Variants in EPHA7 observed in about 807,000 individuals in gnomAD.
EPHA7 encodes the protein ephrin type-A receptor 7.
Under a neutral mutation model 112.6 loss-of-function variants are expected in EPHA7, and 25 were observed. The ratio of observed to expected loss-of-function variants is 0.22; its 90% confidence interval spans 0.16 to 0.31. The LOEUF (loss-of-function observed/expected upper bound fraction) is 0.31. Among genes scored for constraint, EPHA7 ranks in the 10% least tolerant of loss-of-function variants. The probability of loss-of-function intolerance (pLI) is 1.00; values close to 1 mark genes in which losing one functional copy is unlikely to be tolerated. For missense variants in EPHA7, 962 were observed against 1,212.6 expected (o/e 0.79, Z 3.07); for synonymous variants, 437 against 406.5 (o/e 1.07, Z -0.90).
chr6:93,251,737 G>C (rs1041822334), intron 14 of EPHA7, among the ~76,000 whole-genome samples: 1 of 151,828 alleles, frequency 6.6e-6, no homozygotes, highest in Admixed American at 6.6e-5. Context: ...AAACCAAAAG[G>C]ATATTTTCAA....
chr6:93,383,590 AATTT>A (rs1777456497), intron 3 of EPHA7, among the ~76,000 whole-genome samples: 1 of 152,158 alleles, frequency 6.6e-6, no homozygotes, highest in Non-Finnish European at 1.5e-5. Flanking sequence ...CTTAGGCAAT[AATTT>A]ATTTGTCATA....
At chr6:93,283,423 A>G (rs374422563) in intron 5 of EPHA7, among the ~76,000 whole-genome samples, 4 of 152,162 alleles carry the variant, frequency 2.6e-5, no homozygotes, top group African/African-American at 9.6e-5. Context: ...GTCCCCTTCC[A>G]CACTGTGGAA....
At chr6:93,272,237 T>G in intron 6 of EPHA7, 61 bp downstream of exon 6, 1 of 1,597,784 alleles carries the variant, frequency 6.3e-7, no homozygotes, top group South Asian at 1.1e-5. Flanking sequence ...TAGTCTACAA[T>G]ACAGTAGGAT....
intron 5 of EPHA7, among the ~76,000 whole-genome samples, chr6:93,284,324 T>TA (rs1370419396): frequency 4.2e-5 from 6 of 144,194 alleles, no homozygotes; most frequent in South Asian, 2.6e-4. Flanking sequence ...TCATTTATTT[T>TA]TTTTTTTCAA....
rs75159291 is a variant in EPHA7 at position 93,299,908 on chromosome 6, G to A, written c.1325-27486C>T. Among the ~76,000 whole-genome samples, 4 of 152,190 alleles carry A rather than the reference G, an allele frequency of 2.6e-5. 1 individual carries two copies. Among genetic ancestry groups the A allele is most frequent in the South Asian group, 4.1e-4 (2 of 4,830 alleles). ...GAATACTACATGTTCTCACTTGTAA[G>A]TGGGAGCTAAAGGATGGGAACTCAT... On this transcript the variant is annotated intron_variant, in intron 5 of 16. Transcript: ENST00000369303.
chr6:93,418,755 G>T (rs1180334177), intron 1 of EPHA7, among the ~76,000 whole-genome samples: 1 of 152,158 alleles, frequency 6.6e-6, no homozygotes, highest in Non-Finnish European at 1.5e-5. Flanking sequence ...TCGAAGTCTC[G>T]GTCCCTCTGG....
At chr6:93,365,758 C>A (rs1776475971) in intron 3 of EPHA7, among the ~76,000 whole-genome samples, 1 of 152,138 alleles carries the variant, frequency 6.6e-6, no homozygotes, top group African/African-American at 2.4e-5. Flanking sequence ...TTAGAAAAGA[C>A]AGCATGCAGA....
intron 3 of EPHA7, among the ~76,000 whole-genome samples, chr6:93,372,281 A>G (rs547132818): frequency 6.6e-6 from 1 of 152,254 alleles, no homozygotes; most frequent in Admixed American, 6.5e-5. Context: ...TGAGCATACT[A>G]CCTATGGCAC....
At chr6:93,287,688 C>T (rs1373377689) in intron 5 of EPHA7, among the ~76,000 whole-genome samples, 2 of 151,974 alleles carry the variant, frequency 1.3e-5, no homozygotes, top group African/African-American at 4.8e-5. Flanking sequence ...CCTCCTTCCA[C>T]CCTCCAACCT....
intron 5 of EPHA7, among the ~76,000 whole-genome samples, chr6:93,279,684 G>C (rs1262538411): frequency 1.3e-5 from 2 of 152,152 alleles, no homozygotes; most frequent in Non-Finnish European, 2.9e-5. Flanking sequence ...TCAAAACACA[G>C]CTGCAAGTTG....
intron 2 of EPHA7, among the ~76,000 whole-genome samples, chr6:93,412,172 G>A (rs939609435): frequency 1.3e-4 from 20 of 151,860 alleles, no homozygotes; most frequent in Non-Finnish European, 1.2e-4. Context: ...TATTTATGAT[G>A]TCTTAATAAT....
chr6:93,325,904 C>G (rs1019885236), intron 5 of EPHA7, among the ~76,000 whole-genome samples: 2 of 151,324 alleles, frequency 1.3e-5, no homozygotes, highest in Non-Finnish European at 3.0e-5. Context: ...AAATAATTAT[C>G]TGTTTGCTCT....
rs530214037 is a variant in EPHA7 at position 93,357,349 on chromosome 6, C to A, written c.989-297G>T. On this transcript the variant is annotated intron_variant, in intron 4 of 16. Transcript: ENST00000369303. Reference sequence around the variant, plus strand: ...TTTGCCACAGTCTTTAACTATTTTTCTTCCAAGCAATTAAAACAGTACAGT... The same window carrying A: ...TTTGCCACAGTCTTTAACTATTTTTATTCCAAGCAATTAAAACAGTACAGT... Among the ~76,000 whole-genome samples the A allele has an allele frequency of 2.6e-5, 4 of 152,204 alleles. No homozygotes were observed. The East Asian group carries it at 7.7e-4, about 29-fold the overall frequency.
At chr6:93,413,991 T>C (rs1455736597) in intron 2 of EPHA7, among the ~76,000 whole-genome samples, 1 of 151,884 alleles carries the variant, frequency 6.6e-6, no homozygotes, top group Admixed American at 6.6e-5. Context: ...CAATTAAAAA[T>C]AAGATCTGAA....
At chr6:93,293,101 C>A (rs1392136851) in intron 5 of EPHA7, among the ~76,000 whole-genome samples, 1 of 151,540 alleles carries the variant, frequency 6.6e-6, no homozygotes, top group East Asian at 1.9e-4. Context: ...AAAATATTGA[C>A]AAAATCATAC....
chr6:93,418,987 C>G (rs1779390127), intron 1 of EPHA7, among the ~76,000 whole-genome samples: 1 of 152,212 alleles, frequency 6.6e-6, no homozygotes, highest in Non-Finnish European at 1.5e-5. Flanking sequence ...CTCACGCCCT[C>G]CAGACTGCCC....
chr6:93,370,483 CAG>C (rs1229094508), intron 3 of EPHA7, among the ~76,000 whole-genome samples: 4 of 152,110 alleles, frequency 2.6e-5, no homozygotes, highest in African/African-American at 9.7e-5. Flanking sequence ...TATTGGAAAA[CAG>C]AAATATCACT....
intron 2 of EPHA7, 83 bp downstream of exon 2, chr6:93,414,620 G>T: frequency 1.0e-6 from 1 of 993,512 alleles, no homozygotes; most frequent in Non-Finnish European, 1.6e-6. Flanking sequence ...TACATGAAGA[G>T]TGTGAATAAT....
chr6:93,261,906 T>C (rs532436717), intron 9 of EPHA7, among the ~76,000 whole-genome samples: 1 of 151,570 alleles, frequency 6.6e-6, no homozygotes, highest in African/African-American at 2.4e-5. Flanking sequence ...ATACAACAAA[T>C]TTTGGATAAG....
Sources: gnomAD v4.1 joint callset for allele counts (sites outside exome capture counted in the v4.1 genomes callset) on GRCh38, gnomAD v4.1.1 for gene constraint, MANE v1.5 for transcripts, NCBI Gene and HGNC (gene_info 2026-07-23, HGNC 2026-07-21) for gene names.